CCDC122: variants seen among roughly 807,000 people sequenced by gnomAD.
CCDC122 encodes the protein coiled-coil domain containing 122, also known as coiled-coil domain-containing protein 122.
A neutral mutation model predicts 37.0 loss-of-function variants in CCDC122; 38 were observed. The observed-to-expected ratio is 1.03, with a 90% CI of 0.79 to 1.35. CCDC122 has a LOEUF of 1.35. CCDC122 is among the 40% of genes most tolerant of loss of function. The probability of loss-of-function intolerance (pLI) is 0.00; values close to 1 mark genes in which losing one functional copy is unlikely to be tolerated. For synonymous variants in CCDC122, 83 were observed against 95.6 expected (o/e 0.87, Z 0.77); for missense variants, 305 against 310.0 (o/e 0.98, Z 0.12).
downstream of CCDC122, among the ~76,000 whole-genome samples, chr13:43,821,829 A>G (rs575799783): frequency 6.6e-6 from 1 of 152,198 alleles, no homozygotes; most frequent in South Asian, 2.1e-4. Flanking sequence ...TTTCTTCTTG[A>G]TTCTTTTAAA....
At chr13:43,828,481 A>G (rs1953059562) in intron 3 of CCDC122, among the ~76,000 whole-genome samples, 1 of 152,074 alleles carries the variant, frequency 6.6e-6, no homozygotes, top group Non-Finnish European at 1.5e-5. Flanking sequence ...TGTTTCCAAA[A>G]TAAAATAAGG....
chr13:43,842,221 G>C (rs896915547), intron 6 of CCDC122, among the ~76,000 whole-genome samples: 7 of 152,046 alleles, frequency 4.6e-5, no homozygotes, highest in African/African-American at 7.2e-5. Context: ...ATGAATTTTT[G>C]TGTTTGTTGT....
chr13:43,873,575 C>T (rs1954514111), intron 2 of CCDC122, among the ~76,000 whole-genome samples: 1 of 152,158 alleles, frequency 6.6e-6, no homozygotes, highest in African/African-American at 2.4e-5. Flanking sequence ...GTTTCATAGG[C>T]CCTTTGAGAA....
downstream of CCDC122, among the ~76,000 whole-genome samples, chr13:43,834,320 A>G (rs554794066): frequency 1.3e-5 from 2 of 152,386 alleles, no homozygotes; most frequent in African/African-American, 4.8e-5. Flanking sequence ...AAGATGGATT[A>G]AAGACTTAAA....
intron 1 of CCDC122, chr13:43,878,249 C>T (rs1954715999): frequency 6.6e-6 from 1 of 152,122 alleles, no homozygotes; most frequent in African/African-American, 2.4e-5. Context: ...TGGTCTTTGT[C>T]AATGGCAAAA....
chr13:43,834,110 G>A (rs1479455325), downstream of CCDC122, among the ~76,000 whole-genome samples: 1 of 152,072 alleles, frequency 6.6e-6, no homozygotes, highest in African/African-American at 2.4e-5. Flanking sequence ...AAAGAACAGA[G>A]ATATAGACCA....
chr13:43,845,492 C>G (rs573791870), intron 6 of CCDC122, among the ~76,000 whole-genome samples: 58 of 152,348 alleles, frequency 3.8e-4, no homozygotes, highest in African/African-American at 1.3e-3. Context: ...AGGTAGACCA[C>G]CTGAAGTCAG....
At chr13:43,860,111 T>C (rs755374289) in intron 4 of CCDC122, 41 bp from the exon 5 acceptor site, 60 of 1,101,242 alleles carry the variant, frequency 5.4e-5, no homozygotes, top group Middle Eastern at 2.9e-4. Flanking sequence ...ATTCAAAATA[T>C]TAAACATGAG....
intron 6 of CCDC122, among the ~76,000 whole-genome samples, chr13:43,851,539 T>C (rs1953730542): frequency 6.6e-6 from 1 of 152,142 alleles, no homozygotes; most frequent in Non-Finnish European, 1.5e-5. Flanking sequence ...ACACTGTCTC[T>C]GCCACTGTAG....
At chr13:43,869,289 G>T in intron 3 of CCDC122, 42 bp downstream of exon 3, 1 of 1,450,238 alleles carries the variant, frequency 6.9e-7, no homozygotes, top group Non-Finnish European at 9.6e-7. Context: ...TTTTGTTGTT[G>T]CTGATCTTTT....
intron 6 of CCDC122, 121 bp from the exon 7 acceptor site, chr13:43,837,550 AATT>A (rs1424432069): frequency 1.1e-5 from 8 of 754,972 alleles, no homozygotes; most frequent in South Asian, 2.5e-5. Context: ...CACTATAAAT[AATT>A]ATGATAAAAA....
At chr13:43,822,655 A>G (rs1339847634), downstream of CCDC122, among the ~76,000 whole-genome samples, 1 of 152,198 alleles carries the variant, frequency 6.6e-6, no homozygotes, top group Admixed American at 6.5e-5. Flanking sequence ...AAACCACAAT[A>G]CAAAGCCTTT....
chr13:43,870,831 T>C (rs774238019), intron 2 of CCDC122, among the ~76,000 whole-genome samples: 3 of 152,092 alleles, frequency 2.0e-5, no homozygotes, highest in Non-Finnish European at 2.9e-5. Context: ...CTCTTAATGC[T>C]AGACTATGAT....
At chr13:43,853,898 A>G (rs1953823787) in intron 6 of CCDC122, among the ~76,000 whole-genome samples, 1 of 152,186 alleles carries the variant, frequency 6.6e-6, no homozygotes, top group Non-Finnish European at 1.5e-5. Context: ...ATGATTTTTG[A>G]GTAAATTATG....
intron 4 of CCDC122, among the ~76,000 whole-genome samples, chr13:43,860,919 T>C (rs146905869): frequency 6.6e-6 from 1 of 152,330 alleles, no homozygotes; most frequent in African/African-American, 2.4e-5. Flanking sequence ...TATTACTCCT[T>C]GTATCAATTA....
chr13:43,860,789 A>G (rs767191983), intron 4 of CCDC122, among the ~76,000 whole-genome samples: 16 of 152,178 alleles, frequency 1.1e-4, no homozygotes, highest in Non-Finnish European at 1.6e-4. Context: ...ATCTTCAGCT[A>G]CATATCTGCC....
intron 4 of CCDC122, among the ~76,000 whole-genome samples, chr13:43,868,398 T>C (rs1377142232): frequency 1.3e-5 from 2 of 152,102 alleles, no homozygotes; most frequent in African/African-American, 4.8e-5. Flanking sequence ...CTTCCTTCAA[T>C]TCAGCATTTT....
chr13:43,859,622 G>A (rs758390768), intron 5 of CCDC122, 50 bp downstream of exon 5: 7 of 1,351,144 alleles, frequency 5.2e-6, no homozygotes, highest in Non-Finnish European at 5.9e-6. Context: ...GTATGTACTT[G>A]CAAAAAAGGA....
intron 1 of CCDC122, among the ~76,000 whole-genome samples, chr13:43,877,144 G>A (rs914897391): frequency 3.3e-5 from 5 of 152,152 alleles, no homozygotes; most frequent in Admixed American, 2.6e-4. Context: ...TCTGCCCTCA[G>A]ATTGCTTCAC....
Sources: allele counts gnomAD v4.1 joint callset (sites outside exome capture counted in the v4.1 genomes callset), GRCh38; gene constraint gnomAD v4.1.1; transcripts MANE v1.5; gene names NCBI Gene and HGNC (gene_info 2026-07-23, HGNC 2026-07-21).